The following TMEM70 variants were observed in gnomAD, a reference collection of about 807,000 sequenced individuals.
The protein encoded by TMEM70 is transmembrane protein 70, mitochondrial.
In TMEM70, 15 loss-of-function variants were observed where a neutral mutation model predicts 20.5. The ratio of observed to expected loss-of-function variants is 0.73; its 90% confidence interval spans 0.49 to 1.13. TMEM70 has a LOEUF of 1.13. Ranked by LOEUF, TMEM70 falls within the 50% of genes most tolerant of loss-of-function variation. TMEM70 has a pLI of 0.00. For missense variants in TMEM70, 344 were observed against 331.7 expected (o/e 1.04, Z -0.29); for synonymous variants, 141 against 134.2 (o/e 1.05, Z -0.35).
chr8:73,976,487 C>T lies in TMEM70; in HGVS notation c.206C>T (p.Ala69Val). 6.5e-7 allele frequency: 1 copy of T among 1,530,576 alleles called. No individual in the cohort carries two copies. Among genetic ancestry groups the T allele is most frequent in the South Asian group, 1.2e-5 (1 of 81,750 alleles). The allele number at this position is 1,530,576 out of a possible 1,614,324, so 94.8% of individuals were successfully genotyped here. ...CGCCTTCTCCGGCGTCCGGGTCGAG[C>T]GCAGGTAGGGCGTCCGAGGTCTGGT... ...AARLLRRPGR[A>V]QIPVYWEGYV... is the part of the protein sequence containing the mutation. Residue 69 changes from alanine (A) to valine (V), a missense_variant, in exon 1 of 3, where the codon GCG becomes GTG. Ala to Val is a moderately conservative substitution (Grantham distance 64, BLOSUM62 0). Coordinates refer to ENST00000312184, the MANE Select transcript of TMEM70 (RefSeq NM_017866.6).
At chr8:73,979,000 T>G (rs1227295238) in intron 2 of TMEM70, 139 bp downstream of exon 2, 2 of 1,033,444 alleles carry the variant, frequency 1.9e-6, no homozygotes, top group African/African-American at 3.3e-5. Context: ...TTTTTTTTTC[T>G]TGAGGTGTGT....
chr8:73,981,419 T>C lies in TMEM70; in HGVS notation c.581T>C (p.Val194Ala), dbSNP rs1815796011. ...GCTATGCTTGCAGAAACGAGTACAG[T>C]GTTTCACCAGAATGATGTGAAGATT... Reference protein sequence around the residue: ...YNAMLAETSTVFHQNDVKIPD... With the variant: ...YNAMLAETSTAFHQNDVKIPD... Residue 194 changes from valine to alanine, a missense_variant, in exon 3 of 3, where the codon GTG becomes GCG. Transcript: ENST00000312184. 1 of 1,614,080 alleles carries C rather than the reference T, an allele frequency of 6.2e-7. No individual in the cohort carries two copies. Among genetic ancestry groups the C allele is most frequent in the East Asian group, 2.2e-5 (1 of 44,888 alleles).
In TMEM70 at chr8:73,976,234, C is replaced by T. The variant is rs749358683; in HGVS notation, c.-48C>T. On this transcript the variant is annotated 5_prime_UTR_variant, in exon 1 of 3. Coordinates refer to ENST00000312184, the MANE Select transcript of TMEM70 (RefSeq NM_017866.6). Reference sequence around the variant, plus strand: ...CGGGTGGGAAGCCGTGTCTCGCAGTCGTGGACTCGTGCAGCTGGGGCGTCC... The same window carrying T: ...CGGGTGGGAAGCCGTGTCTCGCAGTTGTGGACTCGTGCAGCTGGGGCGTCC... 3.3e-6 allele frequency: 5 copies of T among 1,535,624 alleles called. No individual in the cohort carries two copies. Among genetic ancestry groups the T allele is most frequent in the East Asian group, 2.3e-5 (1 of 43,744 alleles).
rs1815807967 is a variant in TMEM70 at position 73,981,729 on chromosome 8, T to C, written c.*108T>C. 1 of 855,430 alleles carries C rather than the reference T, an allele frequency of 1.2e-6. No individual in the cohort carries two copies. The highest frequency in any genetic ancestry group is 1.7e-5 in the African/African-American group (1 of 59,128). 53.0% of individuals were successfully genotyped at this position (855,430 alleles called of 1,614,324 possible). ...ACTGATTGTTAAAAATAATTTGAAA[T>C]TATCAAAGCTTTTAATTTCCAGAGA... is the stretch of plus-strand genomic sequence containing the variant. On this transcript the variant is annotated 3_prime_UTR_variant, in exon 3 of 3. Transcript: ENST00000312184.
chr8:73,977,869 G>A (rs1487295229), intron 1 of TMEM70, among the ~76,000 whole-genome samples: 1 of 152,160 alleles, frequency 6.6e-6, no homozygotes, highest in Admixed American at 6.5e-5. Context: ...TAACAGTGGA[G>A]TAGAAGAAAC....
At chr8:73,979,759 A>G (rs1366554470) in intron 2 of TMEM70, among the ~76,000 whole-genome samples, 1 of 150,748 alleles carries the variant, frequency 6.6e-6, no homozygotes, top group Non-Finnish European at 1.5e-5. Flanking sequence ...GACATGTGCC[A>G]CTACACCTGG....
At position 73,982,486 on chromosome 8, in the gene TMEM70, T is replaced by A. The variant is rs1489777812; in HGVS notation, c.*865T>A. 1 of 690,496 alleles carries A rather than the reference T, an allele frequency of 1.4e-6. No individual in the cohort carries two copies. The highest frequency in any genetic ancestry group is 2.6e-6 in the Non-Finnish European group (1 of 383,998). The allele number at this position is 690,496 out of a possible 1,614,324, so 42.8% of individuals were successfully genotyped here. A position where few individuals can be genotyped will look rare whatever the true frequency, so the allele number is the denominator to read the frequency against. On this transcript the variant is annotated 3_prime_UTR_variant, in exon 3 of 3. Coordinates refer to ENST00000312184, the MANE Select transcript of TMEM70 (RefSeq NM_017866.6). ...TTGCAAATGCTTAAGTCAACTGTTT[T>A]CATAAATTGATTACCAGTTGTTAAA...
At chr8:73,979,585 A>T (rs1815738553) in intron 2 of TMEM70, among the ~76,000 whole-genome samples, 2 of 152,172 alleles carry the variant, frequency 1.3e-5, no homozygotes, top group Admixed American at 1.3e-4. Flanking sequence ...ATTTTGAAGT[A>T]TACAGTTTAG....
Position 73,976,473 on chromosome 8 carries a change from G to A in TMEM70, c.192G>A (p.Arg64=). The A allele has an allele frequency of 1.3e-6, 2 of 1,542,296 alleles. No individual in the cohort carries two copies. Among genetic ancestry groups the A allele is most frequent in the African/African-American group, 1.4e-5 (1 of 73,420 alleles). ...TGPSGAARLL[R]RPGRAQIPVY... is the part of the protein sequence containing the mutation. ...CTTCGGGAGCCGCGCGCCTTCTCCGGCGTCCGGGTCGAGCGCAGGTAGGGC... is the reference window on the plus strand; with the variant it reads ...CTTCGGGAGCCGCGCGCCTTCTCCGACGTCCGGGTCGAGCGCAGGTAGGGC... Residue 64 remains arginine, a synonymous_variant, in exon 1 of 3, where the codon CGG becomes CGA. Transcript: ENST00000312184.
chr8:73,978,257 T>G (rs1815701528), intron 1 of TMEM70, among the ~76,000 whole-genome samples: 1 of 151,672 alleles, frequency 6.6e-6, no homozygotes, highest in Non-Finnish European at 1.5e-5. Flanking sequence ...GGCTAATTGT[T>G]TGCATTTTTA....
rs1273011336 is a variant in TMEM70 at position 73,976,209 on chromosome 8, C to T, written c.-73C>T. On this transcript the variant is annotated 5_prime_UTR_variant, in exon 1 of 3. Transcript: ENST00000312184. ...GGGCATGCGCCACTTGTGCGGCAGT[C>T]GGGTGGGAAGCCGTGTCTCGCAGTC... The T allele has an allele frequency of 7.1e-7, 1 of 1,405,724 alleles. No individual in the cohort carries two copies. The highest frequency in any genetic ancestry group is 2.4e-5 in the East Asian group (1 of 41,826). The allele number at this position is 1,405,724 out of a possible 1,614,324, so 87.1% of individuals were successfully genotyped here.
Position 73,978,862 on chromosome 8 carries a change from G to A in TMEM70, c.316+1G>A, listed in dbSNP as rs201401841. The stretch of plus-strand genomic sequence containing the variant: ...GGCAATATGGCCCGAGCAGTGTTTG[G>A]TAAGTAATTGGAGGTGGGTGTACTT... On this transcript the variant is annotated splice_donor_variant, in intron 2 of 2. Coordinates refer to ENST00000312184, the MANE Select transcript of TMEM70 (RefSeq NM_017866.6). LOFTEE classifies it high-confidence loss of function. 3.1e-6 allele frequency: 5 copies of A among 1,614,042 alleles called. No individual in the cohort carries two copies. The East Asian group carries it at 6.7e-5, about 22-fold the overall frequency.
intron 1 of TMEM70, among the ~76,000 whole-genome samples, 158 bp downstream of exon 1, chr8:73,976,649 G>T (rs953474133): frequency 3.9e-5 from 6 of 152,240 alleles, no homozygotes; most frequent in African/African-American, 1.4e-4. Context: ...GTAGCAGGCC[G>T]AGGGCCCCGG....
intron 1 of TMEM70, among the ~76,000 whole-genome samples, chr8:73,978,217 G>C (rs1586634946): frequency 1.3e-5 from 2 of 151,922 alleles, no homozygotes; most frequent in Admixed American, 1.3e-4. Context: ...CTCCGGAGTA[G>C]CTGGATTACA....
At position 73,978,481 on chromosome 8, in the gene TMEM70, A is replaced by G. The variant is rs113991693; in HGVS notation, c.211-275A>G. Among the ~76,000 whole-genome samples the G allele has an allele frequency of 0.021, 3,144 of 148,944 alleles. 35 individuals are homozygous for G. Among genetic ancestry groups the G allele is most frequent in the South Asian group, 0.037 (165 of 4,436 alleles). On this transcript the variant is annotated intron_variant, in intron 1 of 2. Coordinates refer to ENST00000312184, the MANE Select transcript of TMEM70 (RefSeq NM_017866.6). Reference sequence around the variant, plus strand: ...CAAGGTGGCAGATCACTTGAGGTCAAGAGTTCAAGACCAGTCTGGCCAACA... The same window carrying G: ...CAAGGTGGCAGATCACTTGAGGTCAGGAGTTCAAGACCAGTCTGGCCAACA...
At chr8:73,979,016 A>T in intron 2 of TMEM70, 155 bp downstream of exon 2, 1 of 887,820 alleles carries the variant, frequency 1.1e-6, no homozygotes, top group Non-Finnish European at 1.8e-6. Context: ...TGTGTTGATA[A>T]GATGTAGAGA....
chr8:73,982,683 T>C lies in TMEM70; in HGVS notation c.*1062T>C. The C allele has an allele frequency of 2.2e-6, 1 of 459,854 alleles. No homozygotes were observed. The highest frequency in any genetic ancestry group is 1.5e-5 in the South Asian group (1 of 64,534). The allele number at this position is 459,854 out of a possible 1,614,324, so 28.5% of individuals were successfully genotyped here. A position where few individuals can be genotyped will look rare whatever the true frequency, so the allele number is the denominator to read the frequency against. On this transcript the variant is annotated 3_prime_UTR_variant, in exon 3 of 3. Coordinates refer to ENST00000312184, the MANE Select transcript of TMEM70 (RefSeq NM_017866.6). The stretch of plus-strand genomic sequence containing the variant: ...GCTATACGGGAAATGGTAAGTAGTG[T>C]TGTCTTCAGTATCTTAATTTGTTTC...
chr8:73,981,859 TAA>T lies in TMEM70; in HGVS notation c.*239_*240del, dbSNP rs1302064325. The T allele has an allele frequency of 1.1e-5, 7 of 611,844 alleles. No homozygotes were observed. Among genetic ancestry groups the T allele is most frequent in the Admixed American group, 6.4e-5 (3 of 47,194 alleles). 37.9% of individuals were successfully genotyped at this position (611,844 alleles called of 1,614,324 possible). A position where few individuals can be genotyped will look rare whatever the true frequency, so the allele number is the denominator to read the frequency against. On this transcript the variant is annotated 3_prime_UTR_variant, in exon 3 of 3. Transcript: ENST00000312184. ...GTGAATAAATATGTTCATGCTAGTA[TAA>T]GAGTTCTGTGTTACTGTGGTTGACT...
In TMEM70 at chr8:73,981,381, C is replaced by A; in HGVS notation, c.543C>A (p.Ala181=). 6.2e-7 allele frequency: 1 copy of A among 1,614,180 alleles called. No individual in the cohort carries two copies. Among genetic ancestry groups the A allele is most frequent in the South Asian group, 1.1e-5 (1 of 91,074 alleles). Residue 181 remains alanine, a synonymous_variant, in exon 3 of 3, where the codon GCC becomes GCA. Transcript: ENST00000312184. ...YHEATTDTYK[A]ITYNAMLAET... ...AGGCCACAACAGACACTTATAAAGC[C>A]ATTACCTACAATGCTATGCTTGCAG...
Sources: allele counts gnomAD v4.1 joint callset (sites outside exome capture counted in the v4.1 genomes callset), GRCh38; gene constraint gnomAD v4.1.1; transcripts MANE v1.5; gene names NCBI Gene and HGNC (gene_info 2026-07-23, HGNC 2026-07-21).